The following MECOM variants were observed in gnomAD, a reference collection of about 807,000 sequenced individuals.
MECOM encodes MDS1 and EVI1 complex locus.
A neutral mutation model predicts 116.3 loss-of-function variants in MECOM; 13 were observed. The observed-to-expected ratio is 0.11, with a 90% confidence interval of 0.07 to 0.18. MECOM has a LOEUF of 0.18. Ranked by LOEUF, MECOM falls within the 10% of genes least tolerant of loss-of-function variation. The pLI, the probability that MECOM is intolerant of heterozygous loss-of-function variation, is 1.00. For synonymous variants in MECOM, 528 were observed against 535.2 expected (o/e 0.99, Z 0.19); for missense variants, 1,299 against 1,509.0 (o/e 0.86, Z 2.31).
At chr3:169,160,009 G>T (rs750787789) in intron 2 of MECOM, among the ~76,000 whole-genome samples, 1 of 152,162 alleles carries the variant, frequency 6.6e-6, no homozygotes, top group Non-Finnish European at 1.5e-5. Context: ...CAATAAAATC[G>T]TTGGTACTTC....
At chr3:169,134,048 A>G in intron 3 of MECOM, 1 of 852,976 alleles carries the variant, frequency 1.2e-6, no homozygotes, top group Admixed American at 2.4e-5. Context: ...ATACCCTACA[A>G]GACAGTAAAA....
At chr3:169,501,831 AT>A (rs1174102644) in intron 1 of MECOM, among the ~76,000 whole-genome samples, 10 of 152,102 alleles carry the variant, frequency 6.6e-5, no homozygotes, top group East Asian at 5.8e-4. Context: ...TCAAGCTTTT[AT>A]TTTTTTAATT....
At chr3:169,131,565 G>C in intron 3 of MECOM, 34 bp from the exon 4 acceptor site, 1 of 1,521,946 alleles carries the variant, frequency 6.6e-7, no homozygotes, top group Non-Finnish European at 9.0e-7. Context: ...ATGGAATCAG[G>C]AAAGAGAGAG....
chr3:169,545,279 A>G (rs1760591574), intron 1 of MECOM, among the ~76,000 whole-genome samples: 1 of 152,160 alleles, frequency 6.6e-6, no homozygotes, highest in South Asian at 2.1e-4. Flanking sequence ...TACATGGCTT[A>G]GATTAGGGCT....
At chr3:169,125,056 T>A (rs1485159197) in intron 5 of MECOM, among the ~76,000 whole-genome samples, 1 of 152,056 alleles carries the variant, frequency 6.6e-6, no homozygotes, top group African/African-American at 2.4e-5. Flanking sequence ...CACAACTCTA[T>A]TCGTACTGGC....
intron 1 of MECOM, among the ~76,000 whole-genome samples, chr3:169,424,823 A>G (rs1258470069): frequency 6.6e-6 from 1 of 152,158 alleles, no homozygotes; most frequent in East Asian, 1.9e-4. Context: ...TACTAGTTCT[A>G]ACTATCTGAT....
intron 2 of MECOM, chr3:169,146,405 G>C (rs966451030): frequency 4.5e-5 from 63 of 1,394,312 alleles, no homozygotes; most frequent in Non-Finnish European, 5.7e-5. Flanking sequence ...GACGGACAGA[G>C]ACACACGGAG....
chr3:169,353,997 A>G (rs545683221), intron 2 of MECOM, among the ~76,000 whole-genome samples: 1 of 152,016 alleles, frequency 6.6e-6, no homozygotes, highest in Admixed American at 6.6e-5. Flanking sequence ...ATAGCTAACC[A>G]GTAGATTCGC....
At chr3:169,085,091 C>G (rs748346216) in intron 16 of MECOM, 48 bp from the exon 17 acceptor site, 8 of 1,609,204 alleles carry the variant, frequency 5.0e-6, no homozygotes, top group Non-Finnish European at 6.8e-6. Flanking sequence ...TGAAAAACAT[C>G]ACTTTTAGTT....
Position 169,146,609 on chromosome 3 carries a change from G to A in MECOM, c.376-2777C>T, listed in dbSNP as rs747325798. On this transcript the variant is annotated intron_variant, in intron 2 of 16. Transcript: ENST00000651503. The stretch of plus-strand genomic sequence containing the variant: ...GAGACTGCGGGCGAGGAGGAAAGAA[G>A]GCTGGGGGCGGGGGGCGCCCGTAGA... The A allele has an allele frequency of 7.3e-6, 10 of 1,370,784 alleles. No homozygotes were observed. The Admixed American group carries it at 1.9e-4, about 26-fold the overall frequency. 84.9% of individuals were successfully genotyped at this position (1,370,784 alleles called of 1,614,324 possible). A position where few individuals can be genotyped will look rare whatever the true frequency, so the allele number is the denominator to read the frequency against.
chr3:169,549,141 T>C (rs1482704935), intron 1 of MECOM, among the ~76,000 whole-genome samples: 1 of 152,024 alleles, frequency 6.6e-6, no homozygotes, highest in Admixed American at 6.6e-5. Context: ...ACCCAGCTAA[T>C]TATTGTATTT....
chr3:169,590,600 G>A (rs996850266), intron 1 of MECOM, among the ~76,000 whole-genome samples: 2 of 152,194 alleles, frequency 1.3e-5, no homozygotes, highest in African/African-American at 4.8e-5. Context: ...TTGTATGTCA[G>A]GCACCATGCT....
chr3:169,259,430 G>A (rs1462889690), intron 2 of MECOM, among the ~76,000 whole-genome samples: 1 of 152,058 alleles, frequency 6.6e-6, no homozygotes, highest in African/African-American at 2.4e-5. Flanking sequence ...TATTTCTTCT[G>A]GCCAAATATT....
chr3:169,393,328 T>C (rs1325247317), intron 1 of MECOM, among the ~76,000 whole-genome samples: 1 of 152,174 alleles, frequency 6.6e-6, no homozygotes, highest in Non-Finnish European at 1.5e-5. Context: ...GAAGTGTCAG[T>C]ACTATTGTCT....
chr3:169,472,487 G>T lies in MECOM; in HGVS notation c.38-90963C>A, dbSNP rs1273282700. Among the ~76,000 whole-genome samples the T allele has an allele frequency of 3.2e-4, 23 of 71,428 alleles. 1 individual carries two copies. 46.9% of individuals were successfully genotyped at this position (71,428 alleles called of 152,430 possible). A position where few individuals can be genotyped will look rare whatever the true frequency, so the allele number is the denominator to read the frequency against. ...AAGAAGGAAAGGAAAGGAAAGGAAAGGAAAGGAAAGGAAAGGAAAGGAAAG... is the reference window on the plus strand; with the variant it reads ...AAGAAGGAAAGGAAAGGAAAGGAAATGAAAGGAAAGGAAAGGAAAGGAAAG... On this transcript the variant is annotated intron_variant, in intron 1 of 16. Transcript: ENST00000651503.
At chr3:169,534,604 A>G (rs1210606387) in intron 1 of MECOM, among the ~76,000 whole-genome samples, 1 of 152,214 alleles carries the variant, frequency 6.6e-6, no homozygotes, top group Non-Finnish European at 1.5e-5. Context: ...CCATGTAGAA[A>G]CTGCATTTCC....
chr3:169,310,430 T>C (rs1039400618), intron 2 of MECOM, among the ~76,000 whole-genome samples: 2 of 152,232 alleles, frequency 1.3e-5, no homozygotes, highest in African/African-American at 2.4e-5. Flanking sequence ...AATAGTTTTA[T>C]AGCAAATTGT....
At chr3:169,346,907 T>C (rs923776169) in intron 2 of MECOM, among the ~76,000 whole-genome samples, 10 of 152,074 alleles carry the variant, frequency 6.6e-5, no homozygotes, top group Non-Finnish European at 1.5e-4. Context: ...TGTACAGTTA[T>C]TGATTTGGCA....
intron 2 of MECOM, among the ~76,000 whole-genome samples, chr3:169,191,408 G>A (rs1747527532): frequency 6.6e-6 from 1 of 151,962 alleles, no homozygotes; most frequent in African/African-American, 2.4e-5. Context: ...AAACTTCCCA[G>A]ATGAAGGCAG....
Sources: gnomAD v4.1 joint callset for allele counts (sites outside exome capture counted in the v4.1 genomes callset) on GRCh38, gnomAD v4.1.1 for gene constraint, MANE v1.5 for transcripts, NCBI Gene and HGNC (gene_info 2026-07-23, HGNC 2026-07-21) for gene names.